Variants in SIPA1L3 observed in about 807,000 individuals in gnomAD.
SIPA1L3 encodes the protein signal-induced proliferation-associated 1-like protein 3.
Under a neutral mutation model 150.1 loss-of-function variants are expected in SIPA1L3, and 59 were observed. The observed-to-expected ratio is 0.39, with a 90% CI of 0.32 to 0.49. The LOEUF is 0.49. SIPA1L3 is among the 20% of genes least tolerant of loss of function. The probability of loss-of-function intolerance (pLI) is 0.86; values close to 1 mark genes in which losing one functional copy is unlikely to be tolerated. For synonymous variants in SIPA1L3, 1,070 were observed against 1,077.6 expected, an observed-to-expected ratio of 0.99 and a Z score of 0.14; for missense variants, 2,211 against 2,489.5, an observed-to-expected ratio of 0.89 and a Z score of 2.38.
At chr19:38,016,886 CTTTTTTTTT>C (rs58459050) in intron 1 of SIPA1L3, among the ~76,000 whole-genome samples, 2 of 69,138 alleles carry the variant, frequency 2.9e-5, no homozygotes, top group Admixed American at 2.2e-4. Flanking sequence ...CCTCCTCTGG[CTTTTTTTTT>C]TTTTTTTTTT....
chr19:38,086,109 G>A (rs1003970409), intron 3 of SIPA1L3, among the ~76,000 whole-genome samples: 3 of 151,996 alleles, frequency 2.0e-5, no homozygotes, highest in Non-Finnish European at 4.4e-5. Flanking sequence ...TCTAGTAGCT[G>A]AAAAATAAGG....
chr19:38,151,433 C>T (rs530604995), intron 12 of SIPA1L3, among the ~76,000 whole-genome samples: 122 of 152,328 alleles, frequency 8.0e-4, no homozygotes, highest in African/African-American at 2.7e-3. Context: ...TCCATTCAGC[C>T]AGTCTCAAGG....
At chr19:38,196,068 G>A (rs1475232990) in intron 18 of SIPA1L3, among the ~76,000 whole-genome samples, 1 of 152,030 alleles carries the variant, frequency 6.6e-6, no homozygotes. Context: ...CCTCAGTGTG[G>A]CCAGGGACCC....
rs561057380 is a variant in SIPA1L3, at chr19:37,976,392, G to A, written c.-378-52697G>A. Among the ~76,000 whole-genome samples the A allele has an allele frequency of 4.6e-5, 7 of 152,232 alleles. No homozygotes were observed. In the East Asian group the frequency reaches 5.8e-4, roughly 13 times the overall value. Reference sequence around the variant, plus strand: ...TGTAAAATATTTGTAAGATGCCCCCGCACTGCAGCACTGGGAAGCAGTGCC... The same window carrying A: ...TGTAAAATATTTGTAAGATGCCCCCACACTGCAGCACTGGGAAGCAGTGCC... On this transcript the variant is annotated intron_variant, in intron 1 of 21. Transcript: ENST00000222345.
At chr19:37,984,306 C>T (rs559810140) in intron 1 of SIPA1L3, among the ~76,000 whole-genome samples, 7 of 151,946 alleles carry the variant, frequency 4.6e-5, no homozygotes, top group East Asian at 3.9e-4. Context: ...AGTAACAAAA[C>T]GGGTGGAGTG....
chr19:38,206,055 G>T, intron 21 of SIPA1L3, 42 bp from the exon 22 acceptor site: 1 of 1,504,886 alleles, frequency 6.6e-7, no homozygotes, highest in South Asian at 1.3e-5. Flanking sequence ...TCCAGGAGCG[G>T]CCAAGCCCAC....
At chr19:38,193,420 A>G in intron 17 of SIPA1L3, 117 bp from the exon 18 acceptor site, 2 of 1,225,338 alleles carry the variant, frequency 1.6e-6, no homozygotes, top group Non-Finnish European at 2.1e-6. Context: ...TGGGGCAGAA[A>G]TGGATGCTGG....
intron 20 of SIPA1L3, among the ~76,000 whole-genome samples, chr19:38,203,020 G>A (rs567589971): frequency 2.6e-5 from 4 of 152,306 alleles, no homozygotes; most frequent in South Asian, 4.1e-4. Flanking sequence ...TTTCACACTC[G>A]TCTGCACACC....
intron 2 of SIPA1L3, among the ~76,000 whole-genome samples, chr19:38,038,906 C>G (rs1485782037): frequency 6.6e-6 from 1 of 152,024 alleles, no homozygotes; most frequent in Non-Finnish European, 1.5e-5. Context: ...TTTTTGGAGA[C>G]ACAGTCTCAC....
intron 2 of SIPA1L3, among the ~76,000 whole-genome samples, chr19:38,036,605 T>C (rs1968797020): frequency 6.6e-6 from 1 of 152,208 alleles, no homozygotes; most frequent in Non-Finnish European, 1.5e-5. Flanking sequence ...GCTCCACACC[T>C]TCCGGTCGGT....
chr19:38,022,941 C>T (rs1968409975), intron 1 of SIPA1L3, among the ~76,000 whole-genome samples: 1 of 152,182 alleles, frequency 6.6e-6, no homozygotes, highest in Non-Finnish European at 1.5e-5. Flanking sequence ...ATAGCTCTCC[C>T]AAAATGTTTG....
intron 16 of SIPA1L3, 132 bp from the exon 17 acceptor site, chr19:38,192,013 G>A (rs1022659211): frequency 1.7e-5 from 13 of 755,726 alleles, no homozygotes; most frequent in Admixed American, 9.1e-5. Flanking sequence ...TCTCTGCCAC[G>A]CGTTTGCTGG....
intron 2 of SIPA1L3, among the ~76,000 whole-genome samples, chr19:38,043,425 A>G (rs964165347): frequency 2.6e-5 from 4 of 152,208 alleles, no homozygotes; most frequent in African/African-American, 9.6e-5. Context: ...GCAGATCCAC[A>G]GTCCCAGGTG....
chr19:37,944,493 C>T (rs1393417104), intron 1 of SIPA1L3, among the ~76,000 whole-genome samples: 1 of 152,078 alleles, frequency 6.6e-6, no homozygotes, highest in African/African-American at 2.4e-5. Context: ...TCTCCCTGTG[C>T]CTTGATTTCT....
At chr19:38,012,134 T>C (rs918582385) in intron 1 of SIPA1L3, among the ~76,000 whole-genome samples, 4 of 151,328 alleles carry the variant, frequency 2.6e-5, no homozygotes, top group African/African-American at 9.7e-5. Flanking sequence ...TCACCCAGGC[T>C]GGAGTGCAGT....
chr19:38,192,226 G>GA lies in SIPA1L3; in HGVS notation c.4514dup (p.Asn1505LysfsTer9). ...TCCGAGACCTCCGGTCACCACGGAA[G>GA]AACTACAAATCCACCATCGAGGATG... is the stretch of plus-strand genomic sequence containing the variant. On this transcript the variant is annotated frameshift_variant, in exon 17 of 22. Coordinates refer to ENST00000222345, the MANE Select transcript of SIPA1L3 (RefSeq NM_015073.3). LOFTEE classifies it high-confidence loss of function. The GA allele has an allele frequency of 6.2e-7, 1 of 1,613,770 alleles. No homozygotes were observed. Among genetic ancestry groups the GA allele is most frequent in the Admixed American group, 1.7e-5 (1 of 59,968 alleles).
At chr19:38,198,676 G>A in intron 19 of SIPA1L3, 144 bp downstream of exon 19, 1 of 822,104 alleles carries the variant, frequency 1.2e-6, no homozygotes, top group South Asian at 4.8e-5. Context: ...CCCGTCACTT[G>A]CTTACCATGC....
At chr19:38,020,239 A>T (rs116756699) in intron 1 of SIPA1L3, among the ~76,000 whole-genome samples, 1,740 of 152,262 alleles carry the variant, frequency 0.011, 37 homozygotes, top group African/African-American at 0.041. Flanking sequence ...CCCATTTTGG[A>T]GATGAGGAAA....
intron 10 of SIPA1L3, among the ~76,000 whole-genome samples, chr19:38,132,788 C>T (rs920572911): frequency 3.3e-5 from 5 of 151,608 alleles, no homozygotes; most frequent in Admixed American, 3.3e-4. Flanking sequence ...GCTGGGATTA[C>T]AGGCATGTAG....
Sources: allele counts gnomAD v4.1 joint callset (sites outside exome capture counted in the v4.1 genomes callset), GRCh38; gene constraint gnomAD v4.1.1; transcripts MANE v1.5; gene names NCBI Gene and HGNC (gene_info 2026-07-23, HGNC 2026-07-21).